Variants in ALDH3A2 observed in about 807,000 individuals in gnomAD.
The protein encoded by ALDH3A2 is aldehyde dehydrogenase 3 family member A2.
A neutral mutation model predicts 51.3 loss-of-function variants in ALDH3A2; 36 were observed. The ratio of observed to expected loss-of-function variants is 0.70; its 90% confidence interval spans 0.54 to 0.93. The LOEUF (loss-of-function observed/expected upper bound fraction) is 0.93, where lower values mean the gene tolerates loss of function less well. ALDH3A2 is among the 40% of genes least tolerant of loss of function. The pLI is 0.00. For synonymous variants in ALDH3A2, 199 were observed against 219.8 expected (o/e 0.91, Z 0.84); for missense variants, 552 against 603.1 (o/e 0.92, Z 0.89).
At chr17:19,651,875 T>C (rs2084820996) in intron 2 of ALDH3A2, 97 bp downstream of exon 2, 1 of 1,143,860 alleles carries the variant, frequency 8.7e-7, no homozygotes, top group African/African-American at 1.5e-5. Flanking sequence ...ATACATTTAC[T>C]TGGTGATTTG....
At chr17:19,663,543 A>C (rs781085035) in intron 7 of ALDH3A2, 44 bp downstream of exon 7, 29 of 1,595,280 alleles carry the variant, frequency 1.8e-5, no homozygotes, top group Non-Finnish European at 2.3e-5. Flanking sequence ...GCAACTGTCA[A>C]GAGTCATGTT....
chr17:19,663,379 A>G lies in ALDH3A2; in HGVS notation c.987A>G (p.Gln329=). The change falls in exon 7 of 10, where the codon CAA becomes CAG. Residue 329 remains glutamine (Q), a synonymous_variant. Coordinates refer to ENST00000176643, the MANE Select transcript of ALDH3A2 (RefSeq NM_000382.3). ...TTGATCCTAAAACCAAGGTGATGCAAGAAGAAATTTTTGGACCAATTCTTC... is the reference window on the plus strand; with the variant it reads ...TTGATCCTAAAACCAAGGTGATGCAGGAAGAAATTTTTGGACCAATTCTTC... ...TDVDPKTKVM[Q]EEIFGPILPI... 6.2e-7 allele frequency: 1 copy of G among 1,614,214 alleles called. No homozygotes were observed. The highest frequency in any genetic ancestry group is 8.5e-7 in the Non-Finnish European group (1 of 1,180,032).
At chr17:19,673,009 C>T (rs1248176664) in intron 9 of ALDH3A2, 1 of 1,127,970 alleles carries the variant, frequency 8.9e-7, no homozygotes, top group East Asian at 2.4e-5. Flanking sequence ...CCACTGCACT[C>T]CAGCCTGGGC....
intron 5 of ALDH3A2, 43 bp from the exon 6 acceptor site, chr17:19,661,084 G>C (rs2084959250): frequency 6.3e-7 from 1 of 1,587,858 alleles, no homozygotes; most frequent in Non-Finnish European, 8.6e-7. Context: ...AAATTGAATT[G>C]TGGGTCTTTG....
At chr17:19,665,434 A>T (rs2152331328) in intron 8 of ALDH3A2, among the ~76,000 whole-genome samples, 1 of 150,570 alleles carries the variant, frequency 6.6e-6, no homozygotes, top group East Asian at 1.9e-4. Context: ...TGAAGTAGCA[A>T]ATGAAAGGTT....
Position 19,673,031 on chromosome 17 carries a change from A to G in ALDH3A2, c.1443+1075A>G, listed in dbSNP as rs1005104437. On this transcript the variant is annotated intron_variant, in intron 9 of 9. Transcript: ENST00000176643. ...ACTCCAGCCTGGGCAATAGAGCGAG[A>G]CTCCATCTCAACAACAACAACAACA... 8 of 1,322,380 alleles carry G rather than the reference A, an allele frequency of 6.0e-6. No individual in the cohort carries two copies. In the African/African-American group the frequency reaches 1.0e-4, roughly 17 times the overall value. The allele number at this position is 1,322,380 out of a possible 1,614,324, so 81.9% of individuals were successfully genotyped here.
chr17:19,654,631 C>T lies in ALDH3A2; in HGVS notation c.472-1735C>T, dbSNP rs773115085. ...CCGAGTGTGGGGCCCATTGAGCCTG[C>T]GCCCACCCAGAACTCGCTCTGGCTT... On this transcript the variant is annotated intron_variant, in intron 3 of 9. Transcript: ENST00000176643. This position sits in a 1 kb window ranked among gnomAD's most constrained non-coding sequence, Gnocchi z 4.5. Among the ~76,000 whole-genome samples the T allele has an allele frequency of 3.3e-5, 5 of 152,140 alleles. No homozygotes were observed. Among genetic ancestry groups the T allele is most frequent in the African/African-American group, 7.2e-5 (3 of 41,442 alleles).
rs759240817 is a variant in ALDH3A2, at chr17:19,648,997, G to A, written c.26G>A (p.Arg9Gln). The change falls in exon 1 of 10, where the codon CGA (arginine) becomes CAA (glutamine). Residue 9 changes from arginine to glutamine, a missense_variant. Coordinates refer to ENST00000176643, the MANE Select transcript of ALDH3A2 (RefSeq NM_000382.3). MELEVRRV[R>Q]QAFLSGRSRP... ...ATGGAGCTCGAAGTCCGGCGGGTCCGACAGGCGTTCCTGTCCGGCCGGTCG... is the reference window on the plus strand; with the variant it reads ...ATGGAGCTCGAAGTCCGGCGGGTCCAACAGGCGTTCCTGTCCGGCCGGTCG... 3.2e-6 allele frequency: 5 copies of A among 1,585,666 alleles called. No individual in the cohort carries two copies. Among genetic ancestry groups the A allele is most frequent in the Admixed American group, 1.8e-5 (1 of 55,376 alleles).
chr17:19,658,116 T>TAAAAAAAC (rs2084921348), intron 5 of ALDH3A2, among the ~76,000 whole-genome samples: 1 of 151,998 alleles, frequency 6.6e-6, no homozygotes, highest in African/African-American at 2.4e-5. Context: ...GCATATACTT[T>TAAAAAAAC]TTTTAAAAAA....
At chr17:19,648,602 C>G (rs2152325343), upstream of ALDH3A2, 1 of 257,624 alleles carries the variant, frequency 3.9e-6, no homozygotes, top group African/African-American at 2.3e-5. Flanking sequence ...CGTGGCCGCG[C>G]TCGGCTCCCG....
In ALDH3A2 at chr17:19,654,577, C is replaced by T. The variant is rs1015659926; in HGVS notation, c.472-1789C>T. Among the ~76,000 whole-genome samples the T allele has an allele frequency of 4.6e-5, 7 of 152,170 alleles. No homozygotes were observed. The highest frequency in any genetic ancestry group is 7.2e-5 in the African/African-American group (3 of 41,464). On this transcript the variant is annotated intron_variant, in intron 3 of 9. Coordinates refer to ENST00000176643, the MANE Select transcript of ALDH3A2 (RefSeq NM_000382.3). The surrounding 1 kb of genome is among the most constrained non-coding windows in gnomAD (Gnocchi z 4.5). ...GGCCCAGGTGCTAAGCCCCTCATTG[C>T]CCAGGGCTGGCGGCGCCGGCCAGCT...
At chr17:19,672,229 C>T in intron 9 of ALDH3A2, 1 of 516,548 alleles carries the variant, frequency 1.9e-6, no homozygotes, top group Non-Finnish European at 3.5e-6. Flanking sequence ...TAAATTATTA[C>T]AGAAAAGTTT....
intron 4 of ALDH3A2, 83 bp from the exon 5 acceptor site, chr17:19,657,662 G>T: frequency 9.5e-7 from 1 of 1,052,848 alleles, no homozygotes; most frequent in South Asian, 1.3e-5. Flanking sequence ...TTAGTTGCAA[G>T]ACATTCAAAC....
chr17:19,656,815 T>C (rs2084903900), intron 4 of ALDH3A2, among the ~76,000 whole-genome samples: 3 of 152,228 alleles, frequency 2.0e-5, no homozygotes, highest in Admixed American at 2.0e-4. Flanking sequence ...AAAAAAGTTA[T>C]ATCTGTTCTC....
In ALDH3A2 at chr17:19,656,497, G is replaced by A; in HGVS notation, c.603G>A (p.Leu201=). The A allele has an allele frequency of 6.2e-7, 1 of 1,614,160 alleles. No individual in the cohort carries two copies. The highest frequency in any genetic ancestry group is 8.5e-7 in the Non-Finnish European group (1 of 1,180,042). Residue 201 remains leucine, a synonymous_variant, in exon 4 of 10, where the codon CTG becomes CTA. Coordinates refer to ENST00000176643, the MANE Select transcript of ALDH3A2 (RefSeq NM_000382.3). ...KIVMEAAAKH[L]TPVTLELGGK... is the part of the protein sequence containing the mutation. Reference sequence around the variant, plus strand: ...TCATGGAAGCTGCTGCCAAGCATCTGACCCCTGTGACTCTTGAACTGGGAG... The same window carrying A: ...TCATGGAAGCTGCTGCCAAGCATCTAACCCCTGTGACTCTTGAACTGGGAG...
chr17:19,651,335 TA>T (rs1349058340), intron 1 of ALDH3A2, among the ~76,000 whole-genome samples: 1 of 152,222 alleles, frequency 6.6e-6, no homozygotes, highest in East Asian at 1.9e-4. Context: ...CTCCCTGAAA[TA>T]ATCTTTGATT....
In ALDH3A2 at chr17:19,651,700, G is replaced by C. The variant is rs569807915; in HGVS notation, c.307G>C (p.Gly103Arg). 5.0e-6 allele frequency: 8 copies of C among 1,614,166 alleles called. No homozygotes were observed. In the African/African-American group the frequency reaches 9.3e-5, roughly 19 times the overall value. Reference protein sequence around the residue: ...DEAYIQPQPLGVVLIIGAWNY... With the variant: ...DEAYIQPQPLRVVLIIGAWNY... The stretch of plus-strand genomic sequence containing the variant: ...GGCCTATATTCAGCCACAGCCTCTG[G>C]GAGTGGTGCTGATAATCGGAGCTTG... The change falls in exon 2 of 10, where the codon GGA (glycine) becomes CGA (arginine). Residue 103 changes from glycine (G) to arginine (R), a missense_variant. By Grantham distance (125) the Gly-to-Arg change is moderately radical. Transcript: ENST00000176643.
At chr17:19,652,403 C>G in intron 2 of ALDH3A2, 144 bp from the exon 3 acceptor site, 1 of 668,128 alleles carries the variant, frequency 1.5e-6, no homozygotes, top group Non-Finnish European at 2.7e-6. Flanking sequence ...GAGATGAGCT[C>G]TTATGCTAAT....
chr17:19,666,872 A>G (rs2085045780), intron 8 of ALDH3A2, among the ~76,000 whole-genome samples: 2 of 151,514 alleles, frequency 1.3e-5, no homozygotes, highest in South Asian at 4.1e-4. Context: ...TAAAAATACA[A>G]AAAGAAGATG....
Sources: allele counts gnomAD v4.1 joint callset (sites outside exome capture counted in the v4.1 genomes callset), GRCh38; gene constraint gnomAD v4.1.1; non-coding constraint Gnocchi (gnomAD v3.1); transcripts MANE v1.5; gene names NCBI Gene and HGNC (gene_info 2026-07-23, HGNC 2026-07-21).